The following PXDNL variants were observed in gnomAD, a reference collection of about 807,000 sequenced individuals.
The protein encoded by PXDNL is peroxidasin like.
A neutral mutation model predicts 150.8 loss-of-function variants in PXDNL; 145 were observed. The ratio of observed to expected loss-of-function variants is 0.96; its 90% CI spans 0.84 to 1.10. The LOEUF is 1.10. Ranked by LOEUF, PXDNL falls within the 50% of genes least tolerant of loss-of-function variation. The probability of loss-of-function intolerance (pLI) is 0.00; values close to 1 mark genes in which losing one functional copy is unlikely to be tolerated. For missense variants in PXDNL, 2,087 were observed against 1,873.9 expected, an observed-to-expected ratio of 1.11 and a Z score of -2.10; for synonymous variants, 757 against 725.7, an observed-to-expected ratio of 1.04 and a Z score of -0.69.
intron 12 of PXDNL, among the ~76,000 whole-genome samples, chr8:51,429,746 C>T (rs530206264): frequency 1.5e-4 from 22 of 142,566 alleles, no homozygotes; most frequent in African/African-American, 5.8e-4. Context: ...GCTGGATCTT[C>T]GACTAAGGAA....
At chr8:51,548,403 T>C (rs1261391441) in intron 4 of PXDNL, among the ~76,000 whole-genome samples, 1 of 152,160 alleles carries the variant, frequency 6.6e-6, no homozygotes, top group Non-Finnish European at 1.5e-5. Flanking sequence ...GTTATCTAAA[T>C]TCAAGATGAA....
intron 3 of PXDNL, among the ~76,000 whole-genome samples, chr8:51,577,431 T>G (rs549990097): frequency 2.6e-5 from 4 of 151,150 alleles, no homozygotes; most frequent in African/African-American, 9.7e-5. Flanking sequence ...TATATGTATA[T>G]AGAGAGGGTG....
At chr8:51,763,159 A>G (rs2037183109) in intron 1 of PXDNL, among the ~76,000 whole-genome samples, 1 of 152,122 alleles carries the variant, frequency 6.6e-6, no homozygotes, top group African/African-American at 2.4e-5. Flanking sequence ...TCATTTGTCT[A>G]TTCCAGATAT....
intron 1 of PXDNL, among the ~76,000 whole-genome samples, chr8:51,796,624 G>T (rs1324385227): frequency 6.6e-6 from 1 of 152,066 alleles, no homozygotes; most frequent in Non-Finnish European, 1.5e-5. Flanking sequence ...ACTAAACCAG[G>T]AAGAAGTCAA....
chr8:51,428,964 A>ACTGTAGACCCAAAATTCAACAG (rs57300953), intron 12 of PXDNL, among the ~76,000 whole-genome samples: 1 of 151,162 alleles, frequency 6.6e-6, no homozygotes, highest in Non-Finnish European at 1.5e-5. Context: ...AGTGTCTAAA[A>ACTGTAGACCCAAAATTCAACAG]TATATAAAGA....
chr8:51,322,044 G>T (rs185803966), intron 21 of PXDNL, among the ~76,000 whole-genome samples: 54 of 152,272 alleles, frequency 3.5e-4, no homozygotes, highest in African/African-American at 1.3e-3. Flanking sequence ...GACACCAGAT[G>T]TGCTCACACA....
chr8:51,553,740 T>TA, intron 4 of PXDNL, among the ~76,000 whole-genome samples: 1 of 112,948 alleles, frequency 8.9e-6, no homozygotes, highest in East Asian at 2.3e-4. Context: ...GTGAGGGATT[T>TA]TATATATATA....
At chr8:51,455,990 CTT>C (rs1256374645) in intron 9 of PXDNL, among the ~76,000 whole-genome samples, 1 of 152,144 alleles carries the variant, frequency 6.6e-6, no homozygotes, top group Non-Finnish European at 1.5e-5. Flanking sequence ...TGGAAAACCT[CTT>C]GATTCACTGC....
Position 51,409,277 on chromosome 8 carries a change from C to G in PXDNL, c.2347G>C (p.Val783Leu), listed in dbSNP as rs755115934. 66 of 1,430,806 alleles carry G rather than the reference C, an allele frequency of 4.6e-5. No individual in the cohort carries two copies. Among genetic ancestry groups the G allele is most frequent in the Non-Finnish European group, 5.9e-5 (65 of 1,098,746 alleles). The allele number at this position is 1,430,806 out of a possible 1,614,324, so 88.6% of individuals were successfully genotyped here. Residue 783 changes from valine (V) to leucine (L), a missense_variant, in exon 17 of 23, where the codon GTC becomes CTC. Coordinates refer to ENST00000356297, the MANE Select transcript of PXDNL (RefSeq NM_144651.5). Reference protein sequence around the residue: ...SRQPLPPPRLVATVWARAAAV... With the variant: ...SRQPLPPPRLLATVWARAAAV... ...GCCGCGCGCGCCCACACTGTGGCGA[C>G]CAGCCGGGGCGGCGGGAGGGGCTGG...
At chr8:51,514,762 T>C (rs1458548438) in intron 4 of PXDNL, among the ~76,000 whole-genome samples, 1 of 152,034 alleles carries the variant, frequency 6.6e-6, no homozygotes, top group Non-Finnish European at 1.5e-5. Flanking sequence ...TTGATGGAAA[T>C]CCCAGAGACA....
chr8:51,728,650 ATGTT>A (rs1192185259), intron 1 of PXDNL, among the ~76,000 whole-genome samples: 5 of 152,314 alleles, frequency 3.3e-5, no homozygotes, highest in African/African-American at 1.2e-4. Context: ...GAGAGAAAAT[ATGTT>A]TGTACAGCTG....
intron 1 of PXDNL, among the ~76,000 whole-genome samples, chr8:51,658,563 C>T (rs1337866880): frequency 6.6e-6 from 1 of 151,796 alleles, no homozygotes; most frequent in African/African-American, 2.4e-5. Context: ...GAAAACATAC[C>T]CCTTCCTAAT....
chr8:51,696,767 T>TCCACACA (rs1816146080), intron 1 of PXDNL, among the ~76,000 whole-genome samples: 5 of 2,542 alleles, frequency 2.0e-3, no homozygotes, highest in Non-Finnish European at 3.5e-3. Flanking sequence ...ACATAGGTCT[T>TCCACACA]CACAGGTCCA....
intron 4 of PXDNL, among the ~76,000 whole-genome samples, chr8:51,545,024 A>T (rs1812325934): frequency 6.6e-6 from 1 of 152,308 alleles, no homozygotes; most frequent in South Asian, 2.1e-4. Context: ...AGGATTATAG[A>T]TTACATGTTT....
chr8:51,669,027 C>T (rs1400087088), intron 1 of PXDNL, among the ~76,000 whole-genome samples: 1 of 152,078 alleles, frequency 6.6e-6, no homozygotes, highest in Non-Finnish European at 1.5e-5. Context: ...CAGTAGCTTG[C>T]ATACTGAAGT....
chr8:51,446,977 G>C, intron 12 of PXDNL, 27 bp downstream of exon 12: 1 of 1,611,418 alleles, frequency 6.2e-7, no homozygotes, highest in Non-Finnish European at 8.5e-7. Context: ...ACTTCAGAAT[G>C]TGAATATGAA....
chr8:51,477,302 AAGTT>A (rs1554544560), intron 6 of PXDNL, among the ~76,000 whole-genome samples: 1 of 152,214 alleles, frequency 6.6e-6, no homozygotes, highest in Non-Finnish European at 1.5e-5. Context: ...ACTTATTGAA[AAGTT>A]AGTTAACCAT....
chr8:51,744,167 AGAAG>A (rs2036946739), intron 1 of PXDNL, among the ~76,000 whole-genome samples: 2 of 145,872 alleles, frequency 1.4e-5, no homozygotes, highest in South Asian at 2.3e-4. Flanking sequence ...AAGGAAGGAA[AGAAG>A]GAAGGAAGGT....
At chr8:51,720,124 C>T (rs1045326421) in intron 1 of PXDNL, among the ~76,000 whole-genome samples, 1 of 151,308 alleles carries the variant, frequency 6.6e-6, no homozygotes, top group African/African-American at 2.4e-5. Flanking sequence ...AAAGAAAATA[C>T]AGTATTTTCT....
Sources: allele counts gnomAD v4.1 joint callset (sites outside exome capture counted in the v4.1 genomes callset), GRCh38; gene constraint gnomAD v4.1.1; transcripts MANE v1.5; gene names NCBI Gene and HGNC (gene_info 2026-07-23, HGNC 2026-07-21).